The following GLCE variants were observed in gnomAD, a reference collection of about 807,000 sequenced individuals.
The protein encoded by GLCE is D-glucuronyl C5-epimerase.
A neutral mutation model predicts 47.9 loss-of-function variants in GLCE; 19 were observed. That is an observed-to-expected ratio of 0.40 (90% CI 0.28 to 0.58). GLCE has a LOEUF of 0.58. Ranked by LOEUF, GLCE falls within the 20% of genes least tolerant of loss-of-function variation. GLCE has a pLI of 0.48. For missense variants in GLCE, 556 were observed against 743.3 expected, an observed-to-expected ratio of 0.75 and a Z score of 2.93; for synonymous variants, 245 against 263.4, an observed-to-expected ratio of 0.93 and a Z score of 0.68.
intron 1 of GLCE, chr15:69,197,067 C>G (rs1192535262): frequency 3.1e-6 from 1 of 324,382 alleles, no homozygotes. Flanking sequence ...GAGAAGTATG[C>G]TCAACAAATC....
chr15:69,259,993 A>G (rs931667311), intron 3 of GLCE, among the ~76,000 whole-genome samples: 17 of 152,212 alleles, frequency 1.1e-4, no homozygotes, highest in African/African-American at 3.6e-4. Context: ...ATTCAACCAT[A>G]CAACATTATG....
chr15:69,261,499 T>C (rs2053014590), intron 4 of GLCE, among the ~76,000 whole-genome samples, 170 bp downstream of exon 4: 1 of 152,006 alleles, frequency 6.6e-6, no homozygotes, highest in African/African-American at 2.4e-5. Context: ...AAGATACAGC[T>C]AAAAAGTCAA....
At chr15:69,203,788 G>T (rs897093621) in intron 1 of GLCE, among the ~76,000 whole-genome samples, 6 of 151,986 alleles carry the variant, frequency 3.9e-5, no homozygotes, top group African/African-American at 1.4e-4. Context: ...TTGCTGATTG[G>T]CTTTAAAAAA....
intron 2 of GLCE, among the ~76,000 whole-genome samples, chr15:69,230,077 G>A (rs1046891250): frequency 5.3e-5 from 8 of 151,782 alleles, no homozygotes; most frequent in Non-Finnish European, 7.4e-5. Context: ...GCATGGTGGC[G>A]GGCACCTGTA....
intron 1 of GLCE, among the ~76,000 whole-genome samples, chr15:69,204,534 C>G (rs947156880): frequency 6.6e-6 from 1 of 152,064 alleles, no homozygotes. Context: ...ATCTGCCCAC[C>G]TTGGCCTCCC....
intron 2 of GLCE, among the ~76,000 whole-genome samples, chr15:69,244,365 C>G (rs905445010): frequency 1.3e-5 from 2 of 152,010 alleles, no homozygotes; most frequent in Non-Finnish European, 1.5e-5. Context: ...TTCAGAAATG[C>G]TAATACATTT....
intron 1 of GLCE, among the ~76,000 whole-genome samples, chr15:69,179,453 G>A (rs1256898021): frequency 6.6e-6 from 1 of 152,170 alleles, no homozygotes; most frequent in Admixed American, 6.5e-5. Flanking sequence ...ACTTTATTCA[G>A]ATTTCACCAG....
At position 69,194,570 on chromosome 15, in the gene GLCE, A is replaced by T. The variant is rs541796409; in HGVS notation, c.-104-15746A>T. 5.6e-4 allele frequency: 85 copies of T among 152,230 alleles called. 1 individual carries two copies. The highest frequency in any genetic ancestry group is 2.0e-3 in the African/African-American group (84 of 41,546). 9.4% of individuals were successfully genotyped at this position (152,230 alleles called of 1,614,324 possible). ...ATTATTTTTAGTCCAGATTACCAGG[A>T]TTTTTCAGATAGTGATGTAGGTATG... On this transcript the variant is annotated intron_variant, in intron 1 of 4. Coordinates refer to ENST00000261858, the MANE Select transcript of GLCE (RefSeq NM_015554.3).
chr15:69,200,752 A>G, intron 1 of GLCE, among the ~76,000 whole-genome samples: 1 of 152,154 alleles, frequency 6.6e-6, no homozygotes, highest in Non-Finnish European at 1.5e-5. Flanking sequence ...ACCATCATAA[A>G]TCAATACAAA....
At chr15:69,236,306 A>G (rs2052593851) in intron 2 of GLCE, among the ~76,000 whole-genome samples, 1 of 152,020 alleles carries the variant, frequency 6.6e-6, no homozygotes, top group Non-Finnish European at 1.5e-5. Context: ...ATGGCCTTCT[A>G]ACGAGTTCAT....
chr15:69,180,026 A>G (rs775432309), intron 1 of GLCE, among the ~76,000 whole-genome samples: 36 of 152,198 alleles, frequency 2.4e-4, no homozygotes, highest in Non-Finnish European at 4.4e-4. Flanking sequence ...GAACGTATTT[A>G]TTGCTTTGAG....
At chr15:69,250,968 A>G (rs1397516022) in intron 2 of GLCE, among the ~76,000 whole-genome samples, 1 of 152,080 alleles carries the variant, frequency 6.6e-6, no homozygotes, top group Admixed American at 6.6e-5. Flanking sequence ...TATCAAGTCC[A>G]TTGTTGAATT....
At chr15:69,226,795 A>AGT (rs1349405546) in intron 2 of GLCE, among the ~76,000 whole-genome samples, 1 of 117,926 alleles carries the variant, frequency 8.5e-6, no homozygotes, top group Non-Finnish European at 1.6e-5. Flanking sequence ...CCCAGGCTGG[A>AGT]GTGCAGTGGC....
At chr15:69,250,588 A>G (rs2052826405) in intron 2 of GLCE, among the ~76,000 whole-genome samples, 1 of 151,788 alleles carries the variant, frequency 6.6e-6, no homozygotes, top group African/African-American at 2.4e-5. Context: ...GCGCAATCCC[A>G]CTACTGATCA....
intron 1 of GLCE, among the ~76,000 whole-genome samples, chr15:69,200,696 G>A (rs1206362011): frequency 6.6e-6 from 1 of 152,070 alleles, no homozygotes; most frequent in Admixed American, 6.6e-5. Context: ...ATATATTTGG[G>A]TTGCTAGAGT....
chr15:69,243,553 T>G (rs1019833748), intron 2 of GLCE, among the ~76,000 whole-genome samples: 5 of 139,836 alleles, frequency 3.6e-5, no homozygotes, highest in African/African-American at 1.3e-4. Flanking sequence ...GGGTAACTAA[T>G]GAGACCGCCC....
At chr15:69,240,031 C>T (rs1323469227) in intron 2 of GLCE, among the ~76,000 whole-genome samples, 2 of 152,058 alleles carry the variant, frequency 1.3e-5, no homozygotes, top group African/African-American at 2.4e-5. Context: ...TGTTTTTGGG[C>T]TACAACACAG....
intron 2 of GLCE, 99 bp from the exon 3 acceptor site, chr15:69,255,695 G>A (rs960686765): frequency 4.2e-5 from 29 of 691,684 alleles, no homozygotes; most frequent in African/African-American, 2.9e-4. Context: ...TCCTAATACA[G>A]TTGTTCAACA....
chr15:69,199,617 T>G (rs191971496), intron 1 of GLCE, among the ~76,000 whole-genome samples: 2 of 152,280 alleles, frequency 1.3e-5, no homozygotes, highest in East Asian at 3.9e-4. Flanking sequence ...TCCTATATTT[T>G]TATAGTTGAG....
Sources: gnomAD v4.1 joint callset for allele counts (sites outside exome capture counted in the v4.1 genomes callset) on GRCh38, gnomAD v4.1.1 for gene constraint, MANE v1.5 for transcripts, NCBI Gene and HGNC (gene_info 2026-07-23, HGNC 2026-07-21) for gene names.